Variants in DCC observed in about 807,000 individuals in gnomAD.
DCC encodes the protein DCC netrin 1 receptor.
A neutral mutation model predicts 172.5 loss-of-function variants in DCC; 58 were observed. The ratio of observed to expected loss-of-function variants is 0.34; its 90% CI spans 0.27 to 0.42. DCC has a LOEUF of 0.42. Among genes scored for constraint, DCC ranks in the 10% least tolerant of loss-of-function variants. DCC has a pLI of 1.00. For synonymous variants in DCC, 709 were observed against 644.5 expected (o/e 1.10, Z -1.52); for missense variants, 1,740 against 1,791.0 (o/e 0.97, Z 0.51).
At chr18:52,562,276 A>G (rs942218979) in intron 1 of DCC, among the ~76,000 whole-genome samples, 1 of 152,152 alleles carries the variant, frequency 6.6e-6, no homozygotes, top group African/African-American at 2.4e-5. Flanking sequence ...ATGAACCGAC[A>G]TTCTTTAATT....
Position 52,905,978 on chromosome 18 carries a change from A to AT in DCC, c.413-61dup. The AT allele has an allele frequency of 2.8e-6, 3 of 1,075,774 alleles. No homozygotes were observed. In the South Asian group the frequency reaches 3.8e-5, roughly 14 times the overall value. The allele number at this position is 1,075,774 out of a possible 1,614,324, so 66.6% of individuals were successfully genotyped here. On this transcript the variant is annotated intron_variant, in intron 2 of 28. Transcript: ENST00000442544. ...TTTCTACAAAGAATACAAAGTGATTATTTTTATTGGCGATTATTGTGCTTT... is the reference window on the plus strand; with the variant it reads ...TTTCTACAAAGAATACAAAGTGATTATTTTTTATTGGCGATTATTGTGCTTT...
At chr18:52,508,744 GA>G (rs1280562473) in intron 1 of DCC, among the ~76,000 whole-genome samples, 1 of 152,150 alleles carries the variant, frequency 6.6e-6, no homozygotes, top group Non-Finnish European at 1.5e-5. Flanking sequence ...TTTGAGAGGA[GA>G]AATATTCAAA....
At chr18:53,005,841 A>C (rs2041636188) in intron 5 of DCC, among the ~76,000 whole-genome samples, 1 of 152,326 alleles carries the variant, frequency 6.6e-6, no homozygotes, top group African/African-American at 2.4e-5. Flanking sequence ...TGCATGTAAT[A>C]TACTATACCT....
intron 23 of DCC, among the ~76,000 whole-genome samples, chr18:53,458,806 C>T (rs2045513917): frequency 6.6e-6 from 1 of 152,176 alleles, no homozygotes; most frequent in African/African-American, 2.4e-5. Flanking sequence ...CTCATCTTAG[C>T]TATTGGCATA....
chr18:52,901,993 A>G (rs2039816657), intron 2 of DCC, among the ~76,000 whole-genome samples: 1 of 152,200 alleles, frequency 6.6e-6, no homozygotes, highest in Non-Finnish European at 1.5e-5. Flanking sequence ...ACTAGGAAAA[A>G]GGGAGAGATT....
At chr18:53,156,013 C>T (rs1252060303) in intron 7 of DCC, among the ~76,000 whole-genome samples, 2 of 152,070 alleles carry the variant, frequency 1.3e-5, no homozygotes, top group Non-Finnish European at 2.9e-5. Context: ...TTTTTGGTTA[C>T]CTGAAGCATT....
intron 15 of DCC, among the ~76,000 whole-genome samples, chr18:53,363,665 C>T (rs952879085): frequency 2.6e-5 from 4 of 152,080 alleles, no homozygotes; most frequent in African/African-American, 9.7e-5. Context: ...TGTTTTCTTC[C>T]CAGATAAATT....
Position 53,486,802 on chromosome 18 carries a change from G to T in DCC, c.3742G>T (p.Val1248Leu), listed in dbSNP as rs201242417. 3.7e-6 allele frequency: 6 copies of T among 1,614,014 alleles called. No individual in the cohort carries two copies. The highest frequency in any genetic ancestry group is 5.1e-6 in the Non-Finnish European group (6 of 1,180,006). ...TTAACCTTTTTCTTTTGCAGCTGTC[G>T]TGAGCGCCATCCCGGTGCCAACGCT... is the stretch of plus-strand genomic sequence containing the variant. Reference protein sequence around the residue: ...MDAQSNNPAVVSAIPVPTLES... With the variant: ...MDAQSNNPAVLSAIPVPTLES... Residue 1248 changes from valine to leucine, a missense_variant, in exon 26 of 29, where the codon GTG becomes TTG. Val to Leu is a conservative substitution (Grantham distance 32). This residue lies in a region of DCC where 1,732 missense variants were observed against 1,767.4 expected (regional missense o/e 0.98). Coordinates refer to ENST00000442544, the MANE Select transcript of DCC (RefSeq NM_005215.4).
chr18:52,411,766 G>C (rs1340106080), intron 1 of DCC, among the ~76,000 whole-genome samples: 1 of 152,102 alleles, frequency 6.6e-6, no homozygotes, highest in African/African-American at 2.4e-5. Context: ...GCCAAACGGA[G>C]ATAAGATCCT....
chr18:52,534,593 G>A lies in DCC; in HGVS notation c.91+193715G>A, dbSNP rs1312439180. ...TCTAATGTACATTAGGCCCGCAGTA[G>A]GTGCTGTGATTCAGAAAGACTAACA... On this transcript the variant is annotated intron_variant, in intron 1 of 28. Coordinates refer to ENST00000442544, the MANE Select transcript of DCC (RefSeq NM_005215.4). 2.0e-5 allele frequency among the ~76,000 whole-genome samples: 3 copies of A among 152,094 alleles called. No homozygotes were observed. The East Asian group carries it at 5.8e-4, about 29-fold the overall frequency.
intron 1 of DCC, among the ~76,000 whole-genome samples, chr18:52,750,110 G>A (rs1398060107): frequency 6.6e-6 from 1 of 152,174 alleles, no homozygotes; most frequent in Non-Finnish European, 1.5e-5. Flanking sequence ...CAAGCTTAGA[G>A]CAGGGTTCAT....
At chr18:52,962,360 A>C (rs1329943681) in intron 5 of DCC, among the ~76,000 whole-genome samples, 1 of 150,536 alleles carries the variant, frequency 6.6e-6, no homozygotes, top group Non-Finnish European at 1.5e-5. Flanking sequence ...AAAAATGCTC[A>C]TCATCACTGG....
At chr18:52,864,752 C>T (rs1362423513) in intron 2 of DCC, among the ~76,000 whole-genome samples, 1 of 150,732 alleles carries the variant, frequency 6.6e-6, no homozygotes, top group Non-Finnish European at 1.5e-5. Context: ...TTTCATTGTT[C>T]AACTTATGAG....
intron 5 of DCC, among the ~76,000 whole-genome samples, chr18:52,955,309 A>G (rs1228059269): frequency 6.6e-6 from 1 of 152,058 alleles, no homozygotes; most frequent in Non-Finnish European, 1.5e-5. Flanking sequence ...CACATCATAC[A>G]GTATGTAGCC....
At chr18:53,508,114 C>T (rs905294309) in intron 27 of DCC, among the ~76,000 whole-genome samples, 1 of 151,840 alleles carries the variant, frequency 6.6e-6, no homozygotes, top group African/African-American at 2.4e-5. Context: ...AGGATGGTCT[C>T]GATCTCCTGA....
intron 1 of DCC, among the ~76,000 whole-genome samples, chr18:52,388,535 C>T (rs1339129970): frequency 6.6e-6 from 1 of 151,080 alleles, no homozygotes; most frequent in Non-Finnish European, 1.5e-5. Flanking sequence ...GAAATCTATA[C>T]TGTATTTTGC....
chr18:52,662,040 A>G (rs2035369549), intron 1 of DCC, among the ~76,000 whole-genome samples: 1 of 152,236 alleles, frequency 6.6e-6, no homozygotes, highest in East Asian at 1.9e-4. Context: ...AGACAAATAT[A>G]GAATGTAGGA....
intron 8 of DCC, among the ~76,000 whole-genome samples, chr18:53,161,129 T>C (rs1248084283): frequency 6.6e-6 from 1 of 152,242 alleles, no homozygotes; most frequent in African/African-American, 2.4e-5. Flanking sequence ...TGCTCTGTTC[T>C]CTTTCATAGG....
chr18:52,551,516 C>A (rs1016828320), intron 1 of DCC, among the ~76,000 whole-genome samples: 1 of 151,864 alleles, frequency 6.6e-6, no homozygotes, highest in African/African-American at 2.4e-5. Flanking sequence ...ACAGAAGAAT[C>A]AACAAGATTA....
Sources: allele counts gnomAD v4.1 joint callset (sites outside exome capture counted in the v4.1 genomes callset), GRCh38; gene constraint gnomAD v4.1.1; regional missense constraint gnomAD v4.1.1; transcripts MANE v1.5; gene names NCBI Gene and HGNC (gene_info 2026-07-23, HGNC 2026-07-21).